FAAH2: variants seen among roughly 807,000 people sequenced by gnomAD.
FAAH2 encodes fatty acid amide hydrolase 2.
FAAH2 carries 60 observed loss-of-function variants against 36.9 expected under a neutral mutation model. The ratio of observed to expected loss-of-function variants is 1.63; its 90% CI spans 1.32 to 2.02. FAAH2 has a LOEUF of 2.02. Among genes scored for constraint, FAAH2 ranks in the 30% most tolerant of loss-of-function variants. FAAH2 has a pLI of 0.00. For synonymous variants in FAAH2, 214 were observed against 143.8 expected (o/e 1.49, Z -3.49); for missense variants, 689 against 397.5 (o/e 1.73, Z -6.23).
intron 7 of FAAH2, among the ~76,000 whole-genome samples, chrX:57,417,079 A>T (rs767932430): frequency 8.0e-5 from 9 of 111,881 alleles, no homozygotes; most frequent in African/African-American, 2.6e-4. Context: ...CAGCTCTGTC[A>T]GATCATTTAT....
intron 7 of FAAH2, among the ~76,000 whole-genome samples, chrX:57,398,128 G>C (rs1373761986): frequency 2.7e-5 from 3 of 111,672 alleles, no homozygotes; most frequent in Non-Finnish European, 1.9e-5. Flanking sequence ...AATACCATTT[G>C]ACCCAGCCGT....
chrX:57,479,146 T>C (rs1163893345), intron 10 of FAAH2, among the ~76,000 whole-genome samples: 1 of 111,529 alleles, frequency 9.0e-6, no homozygotes, highest in Non-Finnish European at 1.9e-5. Flanking sequence ...CATTTTTTTG[T>C]ATCCTCTTTT....
intron 2 of FAAH2, among the ~76,000 whole-genome samples, chrX:57,308,253 C>G (rs1396211958): frequency 3.6e-5 from 4 of 111,761 alleles, no homozygotes; most frequent in Non-Finnish European, 5.7e-5. Context: ...AATTTACATT[C>G]CCATCAACAT....
chrX:57,206,476 C>T, the FAAH2 span, among the ~76,000 whole-genome samples: 2 of 111,297 alleles, frequency 1.8e-5, no homozygotes, highest in Admixed American at 9.5e-5. Flanking sequence ...CGAGTGGGGG[C>T]AGCACAAAGT....
chrX:57,415,485 C>T (rs1569328584), intron 7 of FAAH2, among the ~76,000 whole-genome samples: 1 of 111,752 alleles, frequency 8.9e-6, no homozygotes, highest in African/African-American at 3.3e-5. Flanking sequence ...GTTATTTTCC[C>T]AGTAGTCACT....
chrX:57,227,447 C>T, the FAAH2 span, among the ~76,000 whole-genome samples: 1 of 111,365 alleles, frequency 9.0e-6, no homozygotes, highest in African/African-American at 3.3e-5. Flanking sequence ...AGTGAGTCTA[C>T]CTGGCTCTGG....
chrX:57,207,907 C>T, the FAAH2 span, among the ~76,000 whole-genome samples: 1,049 of 112,829 alleles, frequency 9.3e-3, 15 homozygotes, highest in African/African-American at 0.032. Context: ...GAGGGAATGG[C>T]CTGAGCCGGA....
At chrX:57,304,064 G>A (rs1471556401) in intron 2 of FAAH2, among the ~76,000 whole-genome samples, 1 of 111,192 alleles carries the variant, frequency 9.0e-6, no homozygotes, top group Non-Finnish European at 1.9e-5. Flanking sequence ...AAAATTACCT[G>A]GGTGTGGTGG....
intron 7 of FAAH2, among the ~76,000 whole-genome samples, chrX:57,425,287 C>T (rs1434530486): frequency 9.0e-6 from 1 of 111,721 alleles, no homozygotes; most frequent in Non-Finnish European, 1.9e-5. Context: ...AACAAGATTG[C>T]AAAATCTATT....
At chrX:57,435,331 A>G (rs971748892) in intron 8 of FAAH2, among the ~76,000 whole-genome samples, 2 of 111,471 alleles carry the variant, frequency 1.8e-5, no homozygotes, top group Non-Finnish European at 3.8e-5. Flanking sequence ...CCTGACAGAA[A>G]ATAAACCTCA....
At chrX:57,419,902 G>GT (rs1351570814) in intron 7 of FAAH2, among the ~76,000 whole-genome samples, 1 of 111,843 alleles carries the variant, frequency 8.9e-6, no homozygotes, top group African/African-American at 3.2e-5. Context: ...TGTATAAGGT[G>GT]TAAGGAAGGG....
intron 5 of FAAH2, among the ~76,000 whole-genome samples, chrX:57,359,292 T>A (rs1253068662): frequency 2.7e-5 from 3 of 111,604 alleles, no homozygotes; most frequent in Non-Finnish European, 3.8e-5. Flanking sequence ...CCTGTTTATA[T>A]AGCTTTTGCT....
At chrX:57,452,984 A>G (rs950523471) in intron 10 of FAAH2, among the ~76,000 whole-genome samples, 1 of 112,062 alleles carries the variant, frequency 8.9e-6, no homozygotes, top group Non-Finnish European at 1.9e-5. Flanking sequence ...CATTCTTTCC[A>G]GACCCATGTT....
the FAAH2 span, among the ~76,000 whole-genome samples, chrX:57,260,869 G>A: frequency 0.37 from 40,235 of 109,978 alleles, 6,318 homozygotes; most frequent in Middle Eastern, 0.6. Context: ...CTCACAAGGC[G>A]GCTAAAAAGT....
chrX:57,264,985 A>G, the FAAH2 span, among the ~76,000 whole-genome samples: 1 of 111,957 alleles, frequency 8.9e-6, no homozygotes, highest in African/African-American at 3.2e-5. Context: ...GAGAAAAGCA[A>G]GGCAGGACGA....
chrX:57,435,209 C>T (rs1032376602), intron 8 of FAAH2, among the ~76,000 whole-genome samples: 3 of 111,280 alleles, frequency 2.7e-5, no homozygotes, highest in Non-Finnish European at 5.7e-5. Context: ...ATAAAACAAT[C>T]ACATAAAGAA....
the FAAH2 span, chrX:57,137,084 T>G: frequency 1.3e-6 from 1 of 787,163 alleles, no homozygotes; most frequent in Admixed American, 7.0e-5. Context: ...CCTACCCCCT[T>G]TCCCTGTCGT....
At chrX:57,248,465 T>A in the FAAH2 span, among the ~76,000 whole-genome samples, 3 of 111,220 alleles carry the variant, frequency 2.7e-5, no homozygotes, top group Non-Finnish European at 5.7e-5. Flanking sequence ...ATAAATCTAA[T>A]AATGTGGGCC....
chrX:57,337,301 A>G (rs1420285453), intron 4 of FAAH2, among the ~76,000 whole-genome samples: 1 of 106,661 alleles, frequency 9.4e-6, no homozygotes, highest in Non-Finnish European at 1.9e-5. Context: ...GACCAGATGG[A>G]TTTACAGCTG....
Sources: gnomAD v4.1 joint callset for allele counts (sites outside exome capture counted in the v4.1 genomes callset) on GRCh38, gnomAD v4.1.1 for gene constraint, MANE v1.5 for transcripts, NCBI Gene and HGNC (gene_info 2026-07-23, HGNC 2026-07-21) for gene names.